SYNPR: variants seen among roughly 807,000 people sequenced by gnomAD.
The protein encoded by SYNPR is synaptoporin.
In SYNPR, 23 loss-of-function variants were observed where a neutral mutation model predicts 32.9. The ratio of observed to expected loss-of-function variants is 0.70; its 90% CI spans 0.50 to 0.99. SYNPR has a LOEUF of 0.99. SYNPR is among the 50% of genes least tolerant of loss of function. The pLI is 0.00. For missense variants in SYNPR, 318 were observed against 349.3 expected, an observed-to-expected ratio of 0.91 and a Z score of 0.71; for synonymous variants, 146 against 135.9, an observed-to-expected ratio of 1.07 and a Z score of -0.52.
At chr3:63,556,817 G>C in intron 4 of SYNPR, 76 bp downstream of exon 4, 1 of 1,385,146 alleles carries the variant, frequency 7.2e-7, no homozygotes, top group South Asian at 1.5e-5. Context: ...GGACTTTGGA[G>C]TTACCTGAGC....
At chr3:63,384,877 C>T (rs759256896) in intron 2 of SYNPR, among the ~76,000 whole-genome samples, 1 of 152,112 alleles carries the variant, frequency 6.6e-6, no homozygotes, top group African/African-American at 2.4e-5. Flanking sequence ...GGTGTTGAGG[C>T]TGGATTCAAT....
At chr3:63,527,357 CCA>C (rs1702031394) in intron 3 of SYNPR, among the ~76,000 whole-genome samples, 1 of 150,168 alleles carries the variant, frequency 6.7e-6, no homozygotes, top group South Asian at 2.1e-4. Flanking sequence ...AAATTACCAA[CCA>C]CAGTCTTCCC....
At chr3:63,429,052 A>G (rs796650488) in intron 2 of SYNPR, among the ~76,000 whole-genome samples, 6 of 152,342 alleles carry the variant, frequency 3.9e-5, no homozygotes, top group African/African-American at 1.4e-4. Context: ...AGGCATATGG[A>G]AAATGCAGAG....
chr3:63,572,006 T>C (rs1357627326), intron 4 of SYNPR, among the ~76,000 whole-genome samples: 1 of 152,162 alleles, frequency 6.6e-6, no homozygotes, highest in Non-Finnish European at 1.5e-5. Context: ...TAAGTGCTTA[T>C]CAAAGGAATG....
intron 3 of SYNPR, among the ~76,000 whole-genome samples, chr3:63,508,037 T>A (rs1217594190): frequency 6.6e-6 from 1 of 152,138 alleles, no homozygotes; most frequent in Non-Finnish European, 1.5e-5. Context: ...TATAAAAATG[T>A]TAATGATATC....
intron 2 of SYNPR, among the ~76,000 whole-genome samples, chr3:63,330,616 T>C (rs1460444643): frequency 1.3e-5 from 2 of 152,166 alleles, no homozygotes; most frequent in Non-Finnish European, 1.5e-5. Context: ...AAAGAGGAGA[T>C]GATAAACACT....
intron 4 of SYNPR, among the ~76,000 whole-genome samples, chr3:63,572,850 G>C (rs1014427170): frequency 6.6e-6 from 1 of 152,118 alleles, no homozygotes; most frequent in African/African-American, 2.4e-5. Flanking sequence ...AAGCCTCCTA[G>C]ACTGCTTTCT....
intron 4 of SYNPR, among the ~76,000 whole-genome samples, chr3:63,599,259 A>G (rs1254967363): frequency 6.6e-6 from 1 of 152,206 alleles, no homozygotes; most frequent in East Asian, 1.9e-4. Flanking sequence ...AGTGTAGTCT[A>G]ATCATACAGA....
upstream of SYNPR, among the ~76,000 whole-genome samples, chr3:63,276,620 T>TCCCCC (rs11398109): frequency 7.0e-6 from 1 of 142,146 alleles, no homozygotes; most frequent in Non-Finnish European, 1.5e-5. Flanking sequence ...TAGTGTTAGT[T>TCCCCC]CCCCCCACCC....
intron 2 of SYNPR, among the ~76,000 whole-genome samples, chr3:63,360,545 C>T (rs2087643389): frequency 6.6e-6 from 1 of 152,170 alleles, no homozygotes; most frequent in Non-Finnish European, 1.5e-5. Flanking sequence ...TTGATCTTGG[C>T]CTATAAGACA....
intron 2 of SYNPR, among the ~76,000 whole-genome samples, chr3:63,257,821 C>G (rs2086400276): frequency 6.6e-6 from 1 of 152,100 alleles, no homozygotes; most frequent in Admixed American, 6.6e-5. Flanking sequence ...ATTCAGAAAA[C>G]CCATCTCACG....
At chr3:63,227,880 C>T (rs1351663679), upstream of SYNPR, among the ~76,000 whole-genome samples, 4 of 152,090 alleles carry the variant, frequency 2.6e-5, no homozygotes, top group South Asian at 4.1e-4. Flanking sequence ...TAACTGAGCT[C>T]GTGCTGTCAC....
At chr3:63,214,164 A>G in the SYNPR span, among the ~76,000 whole-genome samples, 1 of 27,590 alleles carries the variant, frequency 3.6e-5, no homozygotes, top group African/African-American at 1.2e-4. Flanking sequence ...TTGGTCTACA[A>G]TTCTCTTTTT....
At chr3:63,255,929 G>C (rs536015714) in intron 2 of SYNPR, among the ~76,000 whole-genome samples, 5 of 152,204 alleles carry the variant, frequency 3.3e-5, no homozygotes, top group Non-Finnish European at 7.3e-5. Context: ...TATATGCCGC[G>C]CCTAGCTCAG....
At chr3:63,446,958 T>G (rs1700289329) in intron 2 of SYNPR, among the ~76,000 whole-genome samples, 1 of 152,184 alleles carries the variant, frequency 6.6e-6, no homozygotes, top group South Asian at 2.1e-4. Flanking sequence ...TCCAAAATGA[T>G]AGTCATTTTT....
chr3:63,347,259 G>A (rs2087449474), intron 2 of SYNPR, among the ~76,000 whole-genome samples: 1 of 152,148 alleles, frequency 6.6e-6, no homozygotes, highest in African/African-American at 2.4e-5. Flanking sequence ...GATTAGTGGT[G>A]TGATTTGGCA....
chr3:63,379,998 C>T (rs1254091533), intron 2 of SYNPR, among the ~76,000 whole-genome samples: 1 of 152,158 alleles, frequency 6.6e-6, no homozygotes, highest in East Asian at 1.9e-4. Flanking sequence ...TCATCCACGT[C>T]CCTGCAAAGG....
intron 2 of SYNPR, among the ~76,000 whole-genome samples, chr3:63,329,388 G>C (rs1024665608): frequency 2.0e-5 from 3 of 152,098 alleles, no homozygotes; most frequent in African/African-American, 7.2e-5. Flanking sequence ...TAGTGGTTGA[G>C]CCAGGATTTG....
chr3:63,372,087 C>T lies in SYNPR; in HGVS notation c.84+93345C>T, dbSNP rs138874652. 5.6e-4 allele frequency among the ~76,000 whole-genome samples: 85 copies of T among 152,210 alleles called. No individual in the cohort carries two copies. In the East Asian group the frequency reaches 0.016, roughly 28 times the overall value. On this transcript the variant is annotated intron_variant, in intron 2 of 5. Transcript: ENST00000478300. ...ATCCACAGGTAGAGGCTCTATGTTT[C>T]CCTGGAAAAGGGATCTTAGAGTGAC...
Sources: allele counts gnomAD v4.1 joint callset (sites outside exome capture counted in the v4.1 genomes callset), GRCh38; gene constraint gnomAD v4.1.1; transcripts MANE v1.5; gene names NCBI Gene and HGNC (gene_info 2026-07-23, HGNC 2026-07-21).